Variants in NABP2 observed in about 807,000 individuals in gnomAD.
The protein encoded by NABP2 is SOSS complex subunit B1.
In NABP2, 7 loss-of-function variants were observed where a neutral mutation model predicts 22.7. That is an observed-to-expected ratio of 0.31 (90% confidence interval 0.18 to 0.58). The LOEUF (loss-of-function observed/expected upper bound fraction) is 0.58. Among genes scored for constraint, NABP2 ranks in the 20% least tolerant of loss-of-function variants. NABP2 has a pLI of 0.89. For missense variants in NABP2, 188 were observed against 265.9 expected, an observed-to-expected ratio of 0.71 and a Z score of 2.04; for synonymous variants, 107 against 99.2, an observed-to-expected ratio of 1.08 and a Z score of -0.47.
intron 6 of NABP2, 140 bp downstream of exon 6, chr12:56,226,559 T>A: frequency 6.4e-6 from 2 of 313,898 alleles, no homozygotes; most frequent in Non-Finnish European, 5.3e-6. Flanking sequence ...CCAGACCCCT[T>A]TTTTTTTTTT....
intron 2 of NABP2, 53 bp downstream of exon 2, chr12:56,224,988 G>C: frequency 9.6e-6 from 12 of 1,253,016 alleles, no homozygotes; most frequent in Non-Finnish European, 1.4e-5. Context: ...GGCAGGAGGG[G>C]AAGAACGCTG....
Position 56,229,087 on chromosome 12 carries a change from T to TGGCCCCCCCCCCCC in NABP2, c.510_511insGGCCCCCCCCCCCC (p.Pro171GlyfsTer67). ...GTGGTGGCCCACATCCCCCTCATAC[T>TGGCCCCCCCCCCCC]CCCTCCCACCCACCCAGCACCCGAA... is the stretch of plus-strand genomic sequence containing the variant. On this transcript the variant is annotated frameshift_variant, in exon 7 of 7. Transcript: ENST00000267023. LOFTEE classifies it high-confidence loss of function. The TGGCCCCCCCCCCCC allele has an allele frequency of 6.6e-7, 1 of 1,512,330 alleles. No individual in the cohort carries two copies. Among genetic ancestry groups the TGGCCCCCCCCCCCC allele is most frequent in the Non-Finnish European group, 9.1e-7 (1 of 1,102,006 alleles). 93.7% of individuals were successfully genotyped at this position (1,512,330 alleles called of 1,614,324 possible). A position where few individuals can be genotyped will look rare whatever the true frequency, so the allele number is the denominator to read the frequency against.
At position 56,229,248 on chromosome 12, in the gene NABP2, C is replaced by G; in HGVS notation, c.*35C>G. On this transcript the variant is annotated 3_prime_UTR_variant, in exon 7 of 7. Transcript: ENST00000267023. ...CTTTCTTCCTGCCACCAACCACATC[C>G]CAAGTGTCCCCTGGAGAGCAAGATA... The G allele has an allele frequency of 6.2e-7, 1 of 1,608,566 alleles. No homozygotes were observed.
intron 5 of NABP2, 26 bp downstream of exon 5, chr12:56,226,286 G>A (rs759535079): frequency 2.5e-6 from 4 of 1,613,924 alleles, no homozygotes; most frequent in Non-Finnish European, 3.4e-6. Flanking sequence ...ACAATGGTGG[G>A]AAAGGAGGGC....
chr12:56,224,124 A>G (rs1037072886), upstream of NABP2, among the ~76,000 whole-genome samples: 8 of 152,348 alleles, frequency 5.3e-5, no homozygotes, highest in Middle Eastern at 3.4e-3. Flanking sequence ...CAAGTTAAGG[A>G]AAACTGGGGG....
chr12:56,229,087 T>TTCCCGCCCCCCCCCC lies in NABP2; in HGVS notation c.510_511insTCCCGCCCCCCCCCC (p.Thr170_Pro171insSerArgProProPro). 6.6e-7 allele frequency: 1 copy of TTCCCGCCCCCCCCCC among 1,512,346 alleles called. No individual in the cohort carries two copies. The highest frequency in any genetic ancestry group is 9.1e-7 in the Non-Finnish European group (1 of 1,102,014). The allele number at this position is 1,512,346 out of a possible 1,614,324, so 93.7% of individuals were successfully genotyped here. On this transcript the variant is annotated inframe_insertion, in exon 7 of 7. Coordinates refer to ENST00000267023, the MANE Select transcript of NABP2 (RefSeq NM_024068.4). ...GTGGTGGCCCACATCCCCCTCATACTCCCTCCCACCCACCCAGCACCCGAA... is the reference window on the plus strand; with the variant it reads ...GTGGTGGCCCACATCCCCCTCATACTTCCCGCCCCCCCCCCCCCTCCCACCCACCCAGCACCCGAA...
At chr12:56,227,746 G>A (rs928587808) in intron 6 of NABP2, among the ~76,000 whole-genome samples, 4 of 152,176 alleles carry the variant, frequency 2.6e-5, no homozygotes, top group Non-Finnish European at 5.9e-5. Context: ...CAAGGAGTTT[G>A]AGGCTGCAGT....
At chr12:56,222,720 A>T (rs903360583), upstream of NABP2, among the ~76,000 whole-genome samples, 1 of 152,240 alleles carries the variant, frequency 6.6e-6, no homozygotes, top group Admixed American at 6.5e-5. Flanking sequence ...GACTTCCTAG[A>T]CTAATCTGGT....
At chr12:56,225,056 C>T (rs1252527813) in intron 2 of NABP2, 121 bp downstream of exon 2, 1 of 761,064 alleles carries the variant, frequency 1.3e-6, no homozygotes, top group Non-Finnish European at 2.2e-6. Flanking sequence ...ACTCCTCACT[C>T]CCAATCTCTT....
chr12:56,229,087 T>TTGCGCGCCCC lies in NABP2; in HGVS notation c.510_511insTGCGCGCCCC (p.Pro171CysfsTer33). 1.3e-6 allele frequency: 2 copies of TTGCGCGCCCC among 1,512,346 alleles called. No homozygotes were observed. The highest frequency in any genetic ancestry group is 1.8e-6 in the Non-Finnish European group (2 of 1,102,014). The allele number at this position is 1,512,346 out of a possible 1,614,324, so 93.7% of individuals were successfully genotyped here. A position where few individuals can be genotyped will look rare whatever the true frequency, so the allele number is the denominator to read the frequency against. On this transcript the variant is annotated frameshift_variant, in exon 7 of 7. Coordinates refer to ENST00000267023, the MANE Select transcript of NABP2 (RefSeq NM_024068.4). LOFTEE classifies it high-confidence loss of function. ...GTGGTGGCCCACATCCCCCTCATAC[T>TTGCGCGCCCC]CCCTCCCACCCACCCAGCACCCGAA...
chr12:56,225,021 G>A, intron 2 of NABP2, 86 bp downstream of exon 2: 1 of 997,702 alleles, frequency 1.0e-6, no homozygotes, highest in Non-Finnish European at 1.5e-6. Flanking sequence ...ACTTGCTATG[G>A]GGATGGCAAG....
chr12:56,227,721 GGA>G (rs1487934743), intron 6 of NABP2, among the ~76,000 whole-genome samples: 5 of 152,186 alleles, frequency 3.3e-5, no homozygotes, highest in Non-Finnish European at 7.3e-5. Context: ...GGCTGAGGCA[GGA>G]GCATTGCTTG....
Position 56,224,856 on chromosome 12 carries a change from C to T in NABP2, c.-1C>T. 6.2e-7 allele frequency: 1 copy of T among 1,613,432 alleles called. No individual in the cohort carries two copies. The highest frequency in any genetic ancestry group is 8.5e-7 in the Non-Finnish European group (1 of 1,179,868). On this transcript the variant is annotated 5_prime_UTR_variant, in exon 2 of 7. Transcript: ENST00000267023. The stretch of plus-strand genomic sequence containing the variant: ...CAGTGGGGTGCCGAGGCTCAGGCAG[C>T]ATGACGACGGAGACCTTTGTGAAGG...
At position 56,229,330 on chromosome 12, in the gene NABP2, G is replaced by T. The variant is rs1869995077; in HGVS notation, c.*117G>T. 2 of 1,064,440 alleles carry T rather than the reference G, an allele frequency of 1.9e-6. No individual in the cohort carries two copies. Among genetic ancestry groups the T allele is most frequent in the Non-Finnish European group, 1.4e-6 (1 of 720,362 alleles). The allele number at this position is 1,064,440 out of a possible 1,614,324, so 65.9% of individuals were successfully genotyped here. A position where few individuals can be genotyped will look rare whatever the true frequency, so the allele number is the denominator to read the frequency against. On this transcript the variant is annotated 3_prime_UTR_variant, in exon 7 of 7. Transcript: ENST00000267023. ...TTTAGCCACTGAACTTCAGTGGAGG[G>T]TGGTGAGCAGTGTCCTTATCCACCC...
intron 1 of NABP2, 86 bp from the exon 2 acceptor site, chr12:56,224,748 C>T: frequency 8.2e-7 from 1 of 1,218,072 alleles, no homozygotes; most frequent in Non-Finnish European, 1.2e-6. Context: ...CTGACCCCAG[C>T]CTAATGGGGT....
intron 6 of NABP2, among the ~76,000 whole-genome samples, 200 bp downstream of exon 6, chr12:56,226,619 G>T (rs1006780510): frequency 3.9e-5 from 5 of 126,920 alleles, no homozygotes; most frequent in African/African-American, 1.2e-4. Context: ...AGGCTGGAGT[G>T]CAATGGCGTG....
At chr12:56,222,215 G>T (rs1869520117), upstream of NABP2, 1 of 152,274 alleles carries the variant, frequency 6.6e-6, no homozygotes, top group South Asian at 2.1e-4. Context: ...TTGTGTCTTA[G>T]AGCTGACGCA....
At position 56,229,040 on chromosome 12, in the gene NABP2, C is replaced by A. The variant is rs757745416; in HGVS notation, c.463C>A (p.Leu155Met). The A allele has an allele frequency of 3.1e-6, 5 of 1,613,204 alleles. No homozygotes were observed. The East Asian group carries it at 1.1e-4, about 36-fold the overall frequency. ...PASENQNGNG[L>M]SAPPGPGGGP... Reference sequence around the variant, plus strand: ...CTCTGAGAACCAGAATGGGAATGGACTGAGTGCCCCACCAGGTCCCGGTGG... The same window carrying A: ...CTCTGAGAACCAGAATGGGAATGGAATGAGTGCCCCACCAGGTCCCGGTGG... Residue 155 changes from leucine to methionine, a missense_variant, in exon 7 of 7, where the codon CTG (leucine) becomes ATG (methionine). Transcript: ENST00000267023.
intron 4 of NABP2, among the ~76,000 whole-genome samples, 188 bp from the exon 5 acceptor site, chr12:56,225,991 G>A (rs189485640): frequency 1.3e-5 from 2 of 152,110 alleles, no homozygotes; most frequent in Non-Finnish European, 2.9e-5. Context: ...TTATAGGGAT[G>A]GGGTTTCGCC....
Sources: gnomAD v4.1 joint callset for allele counts (sites outside exome capture counted in the v4.1 genomes callset) on GRCh38, gnomAD v4.1.1 for gene constraint, MANE v1.5 for transcripts, NCBI Gene and HGNC (gene_info 2026-07-23, HGNC 2026-07-21) for gene names.